FIBCD1: variants seen among roughly 807,000 people sequenced by gnomAD.
The protein encoded by FIBCD1 is fibrinogen C domain-containing protein 1.
A neutral mutation model predicts 45.1 loss-of-function variants in FIBCD1; 47 were observed. That is an observed-to-expected ratio of 1.04 (90% CI 0.82 to 1.33). The LOEUF is 1.33. Ranked by LOEUF, FIBCD1 falls within the 40% of genes most tolerant of loss-of-function variation. The probability of loss-of-function intolerance (pLI) is 0.00; values close to 1 mark genes in which losing one functional copy is unlikely to be tolerated. For synonymous variants in FIBCD1, 313 were observed against 308.1 expected, an observed-to-expected ratio of 1.02 and a Z score of -0.17; for missense variants, 653 against 682.2, an observed-to-expected ratio of 0.96 and a Z score of 0.48.
chr9:130,904,315 G>A lies in FIBCD1; in HGVS notation c.1135C>T (p.Leu379Phe), dbSNP rs1157876310. 3.1e-6 allele frequency: 5 copies of A among 1,607,496 alleles called. No homozygotes were observed. The highest frequency in any genetic ancestry group is 2.2e-5 in the South Asian group (2 of 90,788). Residue 379 changes from leucine to phenylalanine, a missense_variant, in exon 7 of 7, where the codon CTC (leucine) becomes TTC (phenylalanine). Coordinates refer to ENST00000372338, the MANE Select transcript of FIBCD1 (RefSeq NM_032843.5). ...ADYSGTAGDSLLKHSGMRFTT... is the reference protein window; with the variant it reads ...ADYSGTAGDSFLKHSGMRFTT... ...AACCTCATGCCGCTGTGCTTCAGGA[G>A]GGAGTCGCCTGCGCAGGGGTGCACA...
rs539868717 is a variant in FIBCD1, at chr9:130,938,532, G to C, written c.72+4C>G. 8 of 1,488,542 alleles carry C rather than the reference G, an allele frequency of 5.4e-6. No individual in the cohort carries two copies. In the Admixed American group the frequency reaches 1.6e-4, roughly 29 times the overall value. The allele number at this position is 1,488,542 out of a possible 1,614,324, so 92.2% of individuals were successfully genotyped here. On this transcript the variant is annotated splice_donor_region_variant and intron_variant, in intron 1 of 6. Transcript: ENST00000372338. The stretch of plus-strand genomic sequence containing the variant: ...AGGCCCCGTGTCCCAGCGCCCGAGC[G>C]TACCTGCGGCTTGTCGCGCGGCCGG...
At chr9:130,911,927 C>T (rs958997550) in intron 4 of FIBCD1, 39 bp from the exon 5 acceptor site, 2 of 1,534,570 alleles carry the variant, frequency 1.3e-6, no homozygotes, top group Non-Finnish European at 1.8e-6. Context: ...TGGCACCGAC[C>T]ATCCCAGGAC....
chr9:130,904,859 GCAT>G (rs1831898543), intron 6 of FIBCD1, among the ~76,000 whole-genome samples: 1 of 152,216 alleles, frequency 6.6e-6, no homozygotes, highest in African/African-American at 2.4e-5. Context: ...GGGCCGAAGG[GCAT>G]CATCAACACT....
intron 1 of FIBCD1, among the ~76,000 whole-genome samples, chr9:130,937,072 T>C (rs1453343559): frequency 6.6e-6 from 1 of 151,524 alleles, no homozygotes; most frequent in Non-Finnish European, 1.5e-5. Flanking sequence ...GGGCCCAGGG[T>C]TGGCAAATAA....
At position 130,926,131 on chromosome 9, in the gene FIBCD1, C is replaced by A. The variant is rs1298852902; in HGVS notation, c.553-1735G>T. Among the ~76,000 whole-genome samples, 2 of 152,156 alleles carry A rather than the reference C, an allele frequency of 1.3e-5. No individual in the cohort carries two copies. Among genetic ancestry groups the A allele is most frequent in the Middle Eastern group, 3.2e-3 (1 of 316 alleles). On this transcript the variant is annotated intron_variant, in intron 2 of 6. Coordinates refer to ENST00000372338, the MANE Select transcript of FIBCD1 (RefSeq NM_032843.5). This position sits in a 1 kb window ranked among gnomAD's most constrained non-coding sequence, Gnocchi z 4.1. Reference sequence around the variant, plus strand: ...CACAGGCAGCACACCCCAACCGGGGCAGGAGGGAAGACGGTAGGTGGGGGC... The same window carrying A: ...CACAGGCAGCACACCCCAACCGGGGAAGGAGGGAAGACGGTAGGTGGGGGC...
chr9:130,926,593 G>T lies in FIBCD1; in HGVS notation c.553-2197C>A, dbSNP rs1832365883. On this transcript the variant is annotated intron_variant, in intron 2 of 6. Transcript: ENST00000372338. The surrounding 1 kb of genome is among the most constrained non-coding windows in gnomAD (Gnocchi z 4.1). ...CCAGCACTTTGGGAGGCCAAGTTGG[G>T]TGGATCACCTAAGGTCAGGAGTTTG... Among the ~76,000 whole-genome samples, 1 of 152,236 alleles carries T rather than the reference G, an allele frequency of 6.6e-6. No individual in the cohort carries two copies.
Position 130,922,611 on chromosome 9 carries a change from G to A in FIBCD1, c.849+1133C>T, listed in dbSNP as rs560746453. Among the ~76,000 whole-genome samples, 4 of 152,072 alleles carry A rather than the reference G, an allele frequency of 2.6e-5. No homozygotes were observed. The highest frequency in any genetic ancestry group is 7.2e-5 in the African/African-American group (3 of 41,470). Reference sequence around the variant, plus strand: ...CCCATCATAGACCTGTGGACTGAACGGTCGAAACACCTCCTCCCCGTCCCT... The same window carrying A: ...CCCATCATAGACCTGTGGACTGAACAGTCGAAACACCTCCTCCCCGTCCCT... On this transcript the variant is annotated intron_variant, in intron 4 of 6. Coordinates refer to ENST00000372338, the MANE Select transcript of FIBCD1 (RefSeq NM_032843.5). This position sits in a 1 kb window ranked among gnomAD's most constrained non-coding sequence, Gnocchi z 4.5.
rs1449816588 is a variant in FIBCD1 at position 130,911,799 on chromosome 9, G to A, written c.939C>T (p.His313=). The A allele has an allele frequency of 3.7e-6, 6 of 1,600,024 alleles. No individual in the cohort carries two copies. Among genetic ancestry groups the A allele is most frequent in the Non-Finnish European group, 5.1e-6 (6 of 1,174,378 alleles). ...GGTGGGTGGGGTGCTCACCTAGCCA[G>A]TGCTCCCCGGTGAGCCTGCCAAAGC... ...RDGFGRLTGE[H]WLGLKRIHAL... The change falls in exon 5 of 7, where the codon CAC becomes CAT. Residue 313 remains histidine, a synonymous_variant. Transcript: ENST00000372338.
chr9:130,904,609 C>T (rs573038396), intron 6 of FIBCD1, among the ~76,000 whole-genome samples: 41 of 152,156 alleles, frequency 2.7e-4, no homozygotes, highest in Admixed American at 2.7e-3. Flanking sequence ...TTCCACATTC[C>T]CTCTCCTGCC....
rs373326808 is a variant in FIBCD1 at position 130,905,227 on chromosome 9, G to C, written c.1126+7C>G. 1.1e-5 allele frequency: 17 copies of C among 1,609,234 alleles called. No homozygotes were observed. The African/African-American group carries it at 1.9e-4, about 18-fold the overall frequency. On this transcript the variant is annotated splice_region_variant and intron_variant, in intron 6 of 6. Transcript: ENST00000372338. ...CTTCCCCATCCCTGCCACAGCTGGA[G>C]CCTCACCTGCAGTGCCGGAATAGTC... is the stretch of plus-strand genomic sequence containing the variant.
intron 5 of FIBCD1, among the ~76,000 whole-genome samples, chr9:130,907,552 C>A (rs868125886): frequency 7.2e-5 from 11 of 152,296 alleles, no homozygotes; most frequent in Middle Eastern, 6.8e-3. Context: ...CACATGTCCA[C>A]CCCAGTGGAC....
At chr9:130,916,493 T>C (rs1832163411) in intron 4 of FIBCD1, among the ~76,000 whole-genome samples, 1 of 152,214 alleles carries the variant, frequency 6.6e-6, no homozygotes, top group South Asian at 2.1e-4. Context: ...GTGGCCTGAC[T>C]AGTGCAAGTG....
chr9:130,921,367 G>A (rs866635802), intron 4 of FIBCD1, among the ~76,000 whole-genome samples: 4 of 152,374 alleles, frequency 2.6e-5, no homozygotes, highest in Middle Eastern at 3.4e-3. Context: ...GTGGCGGGGG[G>A]TGATCCTGAC....
chr9:130,936,691 A>T (rs1213846279), intron 1 of FIBCD1, among the ~76,000 whole-genome samples: 1 of 152,252 alleles, frequency 6.6e-6, no homozygotes, highest in Non-Finnish European at 1.5e-5. Flanking sequence ...CCGAAGCGTC[A>T]TGCAGTGCCA....
upstream of FIBCD1, among the ~76,000 whole-genome samples, chr9:130,940,044 G>A (rs571257693): frequency 6.6e-6 from 1 of 151,824 alleles, no homozygotes. Flanking sequence ...GCTGTTTTCC[G>A]GCTCCCGGGG....
chr9:130,923,555 A>G (rs114626490), intron 4 of FIBCD1, among the ~76,000 whole-genome samples, 189 bp downstream of exon 4: 7,285 of 152,184 alleles, frequency 0.048, 212 homozygotes, highest in Middle Eastern at 0.078. Context: ...GGGTCAGCTC[A>G]CAGAGTCCCC....
At chr9:130,909,181 C>A (rs994861139) in intron 5 of FIBCD1, among the ~76,000 whole-genome samples, 1 of 152,148 alleles carries the variant, frequency 6.6e-6, no homozygotes, top group African/African-American at 2.4e-5. Flanking sequence ...CCCTCCACCA[C>A]CAGCTCTGCC....
At chr9:130,921,430 A>C (rs969294403) in intron 4 of FIBCD1, among the ~76,000 whole-genome samples, 1 of 152,208 alleles carries the variant, frequency 6.6e-6, no homozygotes, top group East Asian at 1.9e-4. Flanking sequence ...GCCCAAATGG[A>C]TATTAATGCT....
chr9:130,930,434 A>ACGGGGAGACG (rs1564340937), intron 1 of FIBCD1, among the ~76,000 whole-genome samples: 32 of 63,124 alleles, frequency 5.1e-4, no homozygotes, highest in Non-Finnish European at 1.6e-4. Flanking sequence ...ACGGGGAGAC[A>ACGGGGAGACG]TGGGGAGATG....
Sources: gnomAD v4.1 joint callset for allele counts (sites outside exome capture counted in the v4.1 genomes callset) on GRCh38, gnomAD v4.1.1 for gene constraint, Gnocchi (gnomAD v3.1) non-coding constraint, MANE v1.5 for transcripts, NCBI Gene and HGNC (gene_info 2026-07-23, HGNC 2026-07-21) for gene names.